NKAIN3: variants seen among roughly 807,000 people sequenced by gnomAD.
The protein encoded by NKAIN3 is sodium/potassium transporting ATPase interacting 3, also known as sodium/potassium-transporting ATPase subunit beta-1-interacting protein 3.
NKAIN3 carries 25 observed loss-of-function variants against 30.2 expected under a neutral mutation model. The observed-to-expected ratio is 0.83, with a 90% CI of 0.60 to 1.16. NKAIN3 has a LOEUF of 1.16. Among genes scored for constraint, NKAIN3 ranks in the 50% most tolerant of loss-of-function variants. The pLI is 0.00. For missense variants in NKAIN3, 225 were observed against 254.1 expected (o/e 0.89, Z 0.78); for synonymous variants, 91 against 89.6 (o/e 1.02, Z -0.09).
intron 1 of NKAIN3, among the ~76,000 whole-genome samples, chr8:62,266,399 T>G (rs966460933): frequency 6.6e-6 from 1 of 152,232 alleles, no homozygotes; most frequent in African/African-American, 2.4e-5. Flanking sequence ...TCTCTTCATA[T>G]GCATGCCTTC....
At chr8:62,549,591 T>A (rs1809126533) in intron 1 of NKAIN3, among the ~76,000 whole-genome samples, 1 of 152,118 alleles carries the variant, frequency 6.6e-6, no homozygotes, top group Non-Finnish European at 1.5e-5. Flanking sequence ...GGAGTCCTTG[T>A]AGGAATAGTT....
intron 5 of NKAIN3, among the ~76,000 whole-genome samples, chr8:62,945,657 A>G (rs1398417666): frequency 2.6e-5 from 4 of 152,176 alleles, no homozygotes; most frequent in Non-Finnish European, 5.9e-5. Flanking sequence ...AACACTCTAC[A>G]TGCCTACACA....
chr8:62,746,756 A>G (rs1036521991), intron 3 of NKAIN3, among the ~76,000 whole-genome samples, 176 bp from the exon 4 acceptor site: 2 of 152,246 alleles, frequency 1.3e-5, no homozygotes, highest in African/African-American at 4.8e-5. Context: ...CTATAACCCA[A>G]TAGTTTAGGC....
intron 2 of NKAIN3, among the ~76,000 whole-genome samples, chr8:62,587,632 A>G (rs959064870): frequency 6.6e-6 from 1 of 152,006 alleles, no homozygotes; most frequent in African/African-American, 2.4e-5. Flanking sequence ...CAGGTGTCAA[A>G]TCCTAACTCT....
chr8:62,893,112 C>T (rs1821339501), intron 4 of NKAIN3, among the ~76,000 whole-genome samples: 1 of 152,146 alleles, frequency 6.6e-6, no homozygotes, highest in Non-Finnish European at 1.5e-5. Context: ...ATCAACTTCT[C>T]CAGATAAATG....
chr8:62,372,966 A>G (rs767837082), intron 1 of NKAIN3, among the ~76,000 whole-genome samples: 6 of 152,158 alleles, frequency 3.9e-5, no homozygotes, highest in Admixed American at 2.0e-4. Flanking sequence ...GGACAAGCAA[A>G]TTCTGCAAAG....
At chr8:62,697,213 T>A (rs1289631388) in intron 3 of NKAIN3, among the ~76,000 whole-genome samples, 2 of 152,188 alleles carry the variant, frequency 1.3e-5, no homozygotes, top group African/African-American at 2.4e-5. Flanking sequence ...GAGCCCTACA[T>A]GATCTACAGA....
intron 1 of NKAIN3, among the ~76,000 whole-genome samples, chr8:62,469,635 A>G (rs948006202): frequency 3.3e-5 from 5 of 152,162 alleles, no homozygotes; most frequent in African/African-American, 1.2e-4. Context: ...GTGTACAAAG[A>G]GCTTTGCTTG....
At chr8:62,386,939 GAGAA>G (rs1330969464) in intron 1 of NKAIN3, among the ~76,000 whole-genome samples, 29 of 138,698 alleles carry the variant, frequency 2.1e-4, no homozygotes, top group Non-Finnish European at 3.8e-4. Context: ...GAGAGAGAGA[GAGAA>G]AGAGAGAGAG....
chr8:62,632,763 A>G (rs1037813308), intron 3 of NKAIN3, among the ~76,000 whole-genome samples: 4 of 152,142 alleles, frequency 2.6e-5, no homozygotes, highest in Non-Finnish European at 4.4e-5. Flanking sequence ...TCGGCCTCCC[A>G]AAGTGCTAGG....
chr8:62,571,639 A>G (rs1020484437), intron 1 of NKAIN3, among the ~76,000 whole-genome samples: 7 of 152,100 alleles, frequency 4.6e-5, no homozygotes, highest in African/African-American at 1.7e-4. Flanking sequence ...CCACTGCAGC[A>G]ATCTTCTGCT....
chr8:62,876,947 G>A (rs1301835220), intron 4 of NKAIN3, among the ~76,000 whole-genome samples: 3 of 146,512 alleles, frequency 2.0e-5, no homozygotes, highest in African/African-American at 7.6e-5. Context: ...AAGAAATAAA[G>A]AAAAAATTTT....
chr8:62,967,550 C>T lies in NKAIN3; in HGVS notation c.*2143C>T, dbSNP rs1823740528. Among the ~76,000 whole-genome samples, 1 of 152,158 alleles carries T rather than the reference C, an allele frequency of 6.6e-6. No individual in the cohort carries two copies. The highest frequency in any genetic ancestry group is 2.4e-5 in the African/African-American group (1 of 41,454). ...GAAGAGCCCACAGAAACAACAAACT[C>T]TGTTTTTTAAAAAGCAGCTGGGAAA... On this transcript the variant is annotated 3_prime_UTR_variant, in exon 7 of 7. Transcript: ENST00000623646.
rs1449380663 is a variant in NKAIN3, at chr8:62,971,107, G to A, written c.*5700G>A. Among the ~76,000 whole-genome samples the A allele has an allele frequency of 6.6e-6, 1 of 152,080 alleles. No homozygotes were observed. Among genetic ancestry groups the A allele is most frequent in the East Asian group, 1.9e-4 (1 of 5,182 alleles). ...CATCCTCTGTGGCCGCCATTTTTAA[G>A]ACCATAACATGACTCAAAATGGCTG... On this transcript the variant is annotated 3_prime_UTR_variant, in exon 7 of 7. Coordinates refer to ENST00000623646, the MANE Select transcript of NKAIN3 (RefSeq NM_001304533.3).
intron 5 of NKAIN3, among the ~76,000 whole-genome samples, chr8:62,992,872 G>A (rs1278815321): frequency 6.6e-6 from 1 of 152,030 alleles, no homozygotes; most frequent in African/African-American, 2.4e-5. Flanking sequence ...ACTTGCCTTC[G>A]TGCATAAGAG....
chr8:62,988,756 G>A (rs538119758), downstream of NKAIN3, among the ~76,000 whole-genome samples: 15 of 152,240 alleles, frequency 9.9e-5, no homozygotes, highest in Non-Finnish European at 1.6e-4. Context: ...CTTCCTCATT[G>A]TCTTAGTGAT....
chr8:62,471,451 A>G (rs1175293687), intron 1 of NKAIN3, among the ~76,000 whole-genome samples: 1 of 152,192 alleles, frequency 6.6e-6, no homozygotes, highest in African/African-American at 2.4e-5. Context: ...ATGTTTTACG[A>G]AAAGTTGTCA....
chr8:62,472,577 G>A lies in NKAIN3; in HGVS notation c.55-106962G>A, dbSNP rs79593480. Among the ~76,000 whole-genome samples, 65 of 152,244 alleles carry A rather than the reference G, an allele frequency of 4.3e-4. No individual in the cohort carries two copies. In the Middle Eastern group the frequency reaches 0.017, roughly 40 times the overall value. Reference sequence around the variant, plus strand: ...AGGGAGAGGAGACAGAGAAGCAGCCGGCAGGCTTTAGCTGAAGTTATCTCA... The same window carrying A: ...AGGGAGAGGAGACAGAGAAGCAGCCAGCAGGCTTTAGCTGAAGTTATCTCA... On this transcript the variant is annotated intron_variant, in intron 1 of 6. Transcript: ENST00000623646.
chr8:62,505,820 C>T (rs1386295966), intron 1 of NKAIN3, among the ~76,000 whole-genome samples: 1 of 152,044 alleles, frequency 6.6e-6, no homozygotes, highest in Non-Finnish European at 1.5e-5. Flanking sequence ...CTTAAAATAA[C>T]CAAAGTTATC....
Sources: gnomAD v4.1 joint callset for allele counts (sites outside exome capture counted in the v4.1 genomes callset) on GRCh38, gnomAD v4.1.1 for gene constraint, MANE v1.5 for transcripts, NCBI Gene and HGNC (gene_info 2026-07-23, HGNC 2026-07-21) for gene names.